The following LPA variants were observed in gnomAD, a reference collection of about 807,000 sequenced individuals.
LPA encodes apolipoprotein(a).
A neutral mutation model predicts 197.9 loss-of-function variants in LPA; 199 were observed. That is an observed-to-expected ratio of 1.01 (90% CI 0.90 to 1.13). The LOEUF (loss-of-function observed/expected upper bound fraction) is 1.13, where lower values mean the gene tolerates loss of function less well. Among genes scored for constraint, LPA ranks in the 50% most tolerant of loss-of-function variants. The pLI, the probability that LPA is intolerant of heterozygous loss-of-function variation, is 0.00. For synonymous variants in LPA, 715 were observed against 639.5 expected (o/e 1.12, Z -1.78); for missense variants, 1,853 against 1,785.8 (o/e 1.04, Z -0.68).
rs1014256950 is a variant in LPA, at chr6:160,648,532, G to T, written c.209+1806C>A. On this transcript the variant is annotated intron_variant, in intron 2 of 38. Coordinates refer to ENST00000316300, the MANE Select transcript of LPA (RefSeq NM_005577.4). ...TCCTTTATGTCTGTGTGGCTCGGTT[G>T]ATTTCATTTTTCAGCATTTGTGGAT... Among the ~76,000 whole-genome samples the T allele has an allele frequency of 3.3e-5, 5 of 152,088 alleles. No homozygotes were observed. The East Asian group carries it at 5.8e-4, about 18-fold the overall frequency.
At chr6:160,574,197 G>A (rs1583588697) in intron 28 of LPA, among the ~76,000 whole-genome samples, 1 of 151,770 alleles carries the variant, frequency 6.6e-6, no homozygotes, top group Non-Finnish European at 1.5e-5. Flanking sequence ...TCAGTCACAG[G>A]CCTCACCCAG....
chr6:160,556,195 A>T lies in LPA; in HGVS notation c.4814-11T>A, dbSNP rs111935319. 3.8e-5 allele frequency: 62 copies of T among 1,613,618 alleles called. No individual in the cohort carries two copies. The African/African-American group carries it at 6.5e-4, about 17-fold the overall frequency. ...TTTGCTCAGTTGGTGCTGAAAATAG[A>T]CAAAATCAAGCTGAGTAACTACTAG... is the stretch of plus-strand genomic sequence containing the variant. On this transcript the variant is annotated splice_polypyrimidine_tract_variant and intron_variant, in intron 29 of 38. Coordinates refer to ENST00000316300, the MANE Select transcript of LPA (RefSeq NM_005577.4).
intron 18 of LPA, among the ~76,000 whole-genome samples, chr6:160,601,716 G>T (rs1225397675): frequency 6.6e-6 from 1 of 152,180 alleles, no homozygotes; most frequent in Non-Finnish European, 1.5e-5. Flanking sequence ...GGGTCAAGTG[G>T]GTTTCTTTCT....
rs41267817 is a variant in LPA, at chr6:160,589,583, T to C, written c.3917A>G (p.His1306Arg). The change falls in exon 24 of 39, where the codon CAT becomes CGT. Residue 1306 changes from histidine (H) to arginine (R), a missense_variant. This residue lies in a region of LPA where 1,737 missense variants were observed against 1,504.4 expected (regional missense o/e 1.15). Coordinates refer to ENST00000316300, the MANE Select transcript of LPA (RefSeq NM_005577.4). ...TGGGTAGTATTCTGTGGTTCTCTGA[T>C]GCCAGTGTGGTGTCATAGAGGACCA... is the stretch of plus-strand genomic sequence containing the variant. The part of the protein sequence containing the change: ...QSWSSMTPHW[H>R]QRTTEYYPNG... 1.1e-3 allele frequency: 1,809 copies of C among 1,613,896 alleles called. No individual in the cohort carries two copies. The highest frequency in any genetic ancestry group is 1.4e-3 in the Admixed American group (87 of 60,022).
At chr6:160,576,394 A>ATATATACATATATATATATATATGTG (rs1778672838) in intron 28 of LPA, among the ~76,000 whole-genome samples, 3 of 53,754 alleles carry the variant, frequency 5.6e-5, no homozygotes, top group African/African-American at 8.2e-5. Flanking sequence ...ATATATGTAT[A>ATATATACATATATATATATATATGTG]TATATATATA....
chr6:160,565,416 T>A (rs564609564), intron 28 of LPA, among the ~76,000 whole-genome samples: 1 of 152,218 alleles, frequency 6.6e-6, no homozygotes, highest in Non-Finnish European at 1.5e-5. Flanking sequence ...AAACAGGGAC[T>A]GGAGTGGACC....
chr6:160,607,648 G>T (rs1332709558), intron 16 of LPA, among the ~76,000 whole-genome samples: 1 of 152,092 alleles, frequency 6.6e-6, no homozygotes, highest in Non-Finnish European at 1.5e-5. Context: ...ACCTGTGGCT[G>T]CCTGAGAAAA....
At chr6:160,548,414 T>C (rs1778110413) in intron 31 of LPA, 64 bp downstream of exon 31, 4 of 1,549,518 alleles carry the variant, frequency 2.6e-6, no homozygotes, top group Non-Finnish European at 3.5e-6. Context: ...TCATGTCTTT[T>C]CATCCCGTTG....
chr6:160,531,663 A>G lies in LPA; in HGVS notation c.*66T>C. The G allele has an allele frequency of 1.3e-6, 2 of 1,590,038 alleles. No homozygotes were observed. Among genetic ancestry groups the G allele is most frequent in the Non-Finnish European group, 8.6e-7 (1 of 1,158,476 alleles). Reference sequence around the variant, plus strand: ...TTGATTGCTGTCTATTATTTCCAGCATGCTAAATCCTTACCCACGTTTCAG... The same window carrying G: ...TTGATTGCTGTCTATTATTTCCAGCGTGCTAAATCCTTACCCACGTTTCAG... On this transcript the variant is annotated 3_prime_UTR_variant, in exon 39 of 39. Coordinates refer to ENST00000316300, the MANE Select transcript of LPA (RefSeq NM_005577.4).
At chr6:160,576,243 T>C (rs1486559905) in intron 28 of LPA, among the ~76,000 whole-genome samples, 7 of 150,120 alleles carry the variant, frequency 4.7e-5, no homozygotes, top group Non-Finnish European at 1.0e-4. Context: ...CTTCCTGCTT[T>C]TGCTCTTCAA....
At position 160,650,487 on chromosome 6, in the gene LPA, C is replaced by T; in HGVS notation, c.60G>A (p.Glu20=). 1 of 1,613,538 alleles carries T rather than the reference C, an allele frequency of 6.2e-7. No homozygotes were observed. The change falls in exon 2 of 39, where the codon GAG becomes GAA. Residue 20 remains glutamate (E), a synonymous_variant. Transcript: ENST00000316300. ...AGCAATCCTGGACCACATGGCTTTG[C>T]TCAGGTGCTGCTAAAATTAAAACAG... ...LLLFLKSAAP[E]QSHVVQDCYH...
intron 31 of LPA, 152 bp from the exon 32 acceptor site, chr6:160,548,089 C>CAGAG: frequency 1.4e-6 from 1 of 715,870 alleles, no homozygotes. Flanking sequence ...ACGCTGAAGA[C>CAGAG]TGCAATGAAC....
At chr6:160,545,321 G>T in intron 33 of LPA, 119 bp downstream of exon 33, 2 of 721,684 alleles carry the variant, frequency 2.8e-6, no homozygotes, top group South Asian at 1.5e-5. Flanking sequence ...GGTGGAGAGG[G>T]CAGCCATCTC....
intron 26 of LPA, among the ~76,000 whole-genome samples, chr6:160,583,181 T>C (rs1778832561): frequency 6.6e-6 from 1 of 151,504 alleles, no homozygotes. Context: ...GGTCTATTTG[T>C]ATTGACTGAT....
chr6:160,532,462 G>T, intron 38 of LPA, 69 bp downstream of exon 38: 2 of 1,283,606 alleles, frequency 1.6e-6, no homozygotes, highest in Non-Finnish European at 1.1e-6. Flanking sequence ...GCCACTTTGG[G>T]ACTGACGTCT....
chr6:160,563,356 T>C (rs1430457782), intron 28 of LPA, among the ~76,000 whole-genome samples: 3 of 152,226 alleles, frequency 2.0e-5, no homozygotes, highest in African/African-American at 7.2e-5. Flanking sequence ...GGTTGTTCAG[T>C]TTCCATATAG....
rs938502455 is a variant in LPA at position 160,599,394 on chromosome 6, G to A, written c.3287+106C>T. 6 of 1,504,744 alleles carry A rather than the reference G, an allele frequency of 4.0e-6. No individual in the cohort carries two copies. In the African/African-American group the frequency reaches 8.3e-5, roughly 21 times the overall value. 93.2% of individuals were successfully genotyped at this position (1,504,744 alleles called of 1,614,324 possible). A position where few individuals can be genotyped will look rare whatever the true frequency, so the allele number is the denominator to read the frequency against. On this transcript the variant is annotated intron_variant, in intron 20 of 38. Coordinates refer to ENST00000316300, the MANE Select transcript of LPA (RefSeq NM_005577.4). ...TTTTGCTCACAGGAAATGTTCCTCT[G>A]CATCTGAGCCAAGTTGAGTCCTGAG...
At chr6:160,590,832 A>C in intron 23 of LPA, 112 bp downstream of exon 23, 1 of 1,434,072 alleles carries the variant, frequency 7.0e-7, no homozygotes, top group Non-Finnish European at 9.7e-7. Flanking sequence ...GCTGACCCTG[A>C]GTCCACATTC....
chr6:160,654,109 T>TATTATATATAATATAA, intron 1 of LPA, among the ~76,000 whole-genome samples: 1 of 72,916 alleles, frequency 1.4e-5, no homozygotes, highest in Non-Finnish European at 2.6e-5. Context: ...ATATAATATA[T>TATTATATATAATATAA]TATATGTATA....
Sources: allele counts gnomAD v4.1 joint callset (sites outside exome capture counted in the v4.1 genomes callset), GRCh38; gene constraint gnomAD v4.1.1; regional missense constraint gnomAD v4.1.1; transcripts MANE v1.5; gene names NCBI Gene and HGNC (gene_info 2026-07-23, HGNC 2026-07-21).